PREX1: variants seen among roughly 807,000 people sequenced by gnomAD.
The protein encoded by PREX1 is phosphatidylinositol 3,4,5-trisphosphate-dependent Rac exchanger 1 protein.
PREX1 carries 41 observed loss-of-function variants against 198.3 expected under a neutral mutation model. The ratio of observed to expected loss-of-function variants is 0.21; its 90% CI spans 0.16 to 0.27. The LOEUF is 0.27. Ranked by LOEUF, PREX1 falls within the 10% of genes least tolerant of loss-of-function variation. The probability of loss-of-function intolerance (pLI) is 1.00; values close to 1 mark genes in which losing one functional copy is unlikely to be tolerated. For synonymous variants in PREX1, 843 were observed against 887.2 expected (o/e 0.95, Z 0.89); for missense variants, 1,620 against 2,200.7 (o/e 0.74, Z 5.28).
chr20:48,676,400 C>T (rs752502107), intron 13 of PREX1, 132 bp from the exon 14 acceptor site: 37 of 791,632 alleles, frequency 4.7e-5, no homozygotes, highest in East Asian at 5.4e-5. Context: ...GGCAGGGGTC[C>T]GAGTCTCAGC....
At chr20:48,638,453 C>G (rs185076676) in intron 30 of PREX1, among the ~76,000 whole-genome samples, 3 of 152,338 alleles carry the variant, frequency 2.0e-5, no homozygotes, top group Admixed American at 6.5e-5. Flanking sequence ...GGCCCAACAT[C>G]CTGTTCTCTT....
intron 1 of PREX1, among the ~76,000 whole-genome samples, chr20:48,806,201 C>T (rs1250903096): frequency 1.3e-5 from 2 of 152,188 alleles, no homozygotes; most frequent in African/African-American, 2.4e-5. Context: ...GCCAAACTGC[C>T]CTTGTTTGAG....
chr20:48,743,054 C>G (rs888382983), intron 3 of PREX1, among the ~76,000 whole-genome samples: 1 of 152,316 alleles, frequency 6.6e-6, no homozygotes, highest in South Asian at 2.1e-4. Context: ...GTAACACTCA[C>G]AGCTGACACG....
chr20:48,628,029 G>A, intron 37 of PREX1, 66 bp from the exon 38 acceptor site: 2 of 998,112 alleles, frequency 2.0e-6, no homozygotes, highest in South Asian at 2.9e-5. Context: ...AGGACAGCGG[G>A]AGTCAGAGGA....
intron 13 of PREX1, among the ~76,000 whole-genome samples, chr20:48,676,954 G>A (rs376700837): frequency 1.4e-4 from 22 of 152,222 alleles, no homozygotes; most frequent in African/African-American, 5.1e-4. Flanking sequence ...GCCTGTGACA[G>A]CATCTGAATC....
At chr20:48,671,811 C>T (rs2122986351) in intron 14 of PREX1, among the ~76,000 whole-genome samples, 1 of 152,350 alleles carries the variant, frequency 6.6e-6, no homozygotes, top group East Asian at 1.9e-4. Context: ...CCTTTCCAAC[C>T]ATCTCCTGGA....
chr20:48,844,775 A>C, the PREX1 span, among the ~76,000 whole-genome samples: 1 of 152,190 alleles, frequency 6.6e-6, no homozygotes, highest in East Asian at 1.9e-4. Flanking sequence ...GGACTGTCCT[A>C]TCTCAGGACA....
chr20:48,853,146 A>T, the PREX1 span, among the ~76,000 whole-genome samples: 2 of 152,212 alleles, frequency 1.3e-5, no homozygotes, highest in African/African-American at 4.8e-5. Flanking sequence ...TTAAAAATAA[A>T]CAAAAATTTT....
intron 1 of PREX1, among the ~76,000 whole-genome samples, chr20:48,812,891 A>G (rs949261215): frequency 2.0e-5 from 3 of 152,274 alleles, no homozygotes; most frequent in Non-Finnish European, 4.4e-5. Flanking sequence ...GCTGTCGTGT[A>G]CCAGGCTCAG....
chr20:48,790,503 GC>G (rs1025803204), intron 1 of PREX1, among the ~76,000 whole-genome samples: 5 of 151,350 alleles, frequency 3.3e-5, no homozygotes, highest in African/African-American at 7.3e-5. Context: ...CAACATGAGT[GC>G]GGAAAAAAAA....
At chr20:48,728,721 G>T (rs1040000354) in intron 4 of PREX1, among the ~76,000 whole-genome samples, 6 of 152,148 alleles carry the variant, frequency 3.9e-5, no homozygotes, top group Admixed American at 3.9e-4. Flanking sequence ...GCGTGAGAAG[G>T]GCCCATCTTT....
intron 5 of PREX1, among the ~76,000 whole-genome samples, chr20:48,715,374 T>C (rs1248874937): frequency 2.0e-5 from 3 of 152,196 alleles, no homozygotes; most frequent in Admixed American, 6.5e-5. Flanking sequence ...TCCCCATCAA[T>C]AGAAGTATCA....
intron 5 of PREX1, among the ~76,000 whole-genome samples, chr20:48,712,414 T>A (rs1342147018): frequency 6.6e-6 from 1 of 152,144 alleles, no homozygotes; most frequent in Non-Finnish European, 1.5e-5. Flanking sequence ...CTCTCACCAC[T>A]TTTATTCTTG....
chr20:48,713,748 A>T (rs1272973203), intron 5 of PREX1, among the ~76,000 whole-genome samples: 7 of 109,662 alleles, frequency 6.4e-5, no homozygotes, highest in Non-Finnish European at 8.9e-5. Context: ...TATCTCTTTT[A>T]AAAAAAAAAA....
At chr20:48,668,275 C>T (rs1384207724) in intron 14 of PREX1, among the ~76,000 whole-genome samples, 1 of 152,174 alleles carries the variant, frequency 6.6e-6, no homozygotes, top group South Asian at 2.1e-4. Flanking sequence ...GCAGCACGGC[C>T]GACCAGGGGA....
At chr20:48,785,957 G>C (rs1013929021) in intron 1 of PREX1, among the ~76,000 whole-genome samples, 2 of 152,212 alleles carry the variant, frequency 1.3e-5, no homozygotes, top group African/African-American at 4.8e-5. Context: ...GAGCCGGGAT[G>C]GATGGGCCGG....
At chr20:48,707,350 T>A (rs980189771) in intron 6 of PREX1, among the ~76,000 whole-genome samples, 1 of 152,230 alleles carries the variant, frequency 6.6e-6, no homozygotes, top group South Asian at 2.1e-4. Flanking sequence ...GCAGGGGACA[T>A]GGCAAGTGGA....
upstream of PREX1, among the ~76,000 whole-genome samples, chr20:48,831,355 C>T (rs2090536757): frequency 6.6e-6 from 1 of 152,166 alleles, no homozygotes; most frequent in African/African-American, 2.4e-5. Flanking sequence ...CAAGGCTGCC[C>T]AGACAACTTG....
intron 1 of PREX1, among the ~76,000 whole-genome samples, chr20:48,748,866 T>G (rs989241904): frequency 6.6e-6 from 1 of 152,198 alleles, no homozygotes; most frequent in African/African-American, 2.4e-5. Flanking sequence ...GAATTTTTTT[T>G]CAAAAGAAAA....
Sources: gnomAD v4.1 joint callset for allele counts (sites outside exome capture counted in the v4.1 genomes callset) on GRCh38, gnomAD v4.1.1 for gene constraint, MANE v1.5 for transcripts, NCBI Gene and HGNC (gene_info 2026-07-23, HGNC 2026-07-21) for gene names.